The following GRM8 variants were observed in gnomAD, a reference collection of about 807,000 sequenced individuals.
GRM8 encodes glutamate metabotropic receptor 8.
A neutral mutation model predicts 87.2 loss-of-function variants in GRM8; 47 were observed. That is an observed-to-expected ratio of 0.54 (90% CI 0.43 to 0.69). GRM8 has a LOEUF of 0.69. Among genes scored for constraint, GRM8 ranks in the 30% least tolerant of loss-of-function variants. The pLI is 0.00. For synonymous variants in GRM8, 396 were observed against 404.5 expected, an observed-to-expected ratio of 0.98 and a Z score of 0.25; for missense variants, 1,019 against 1,139.2, an observed-to-expected ratio of 0.89 and a Z score of 1.52.
chr7:126,514,467 G>A (rs1811888519), intron 9 of GRM8, among the ~76,000 whole-genome samples: 1 of 152,058 alleles, frequency 6.6e-6, no homozygotes, highest in Non-Finnish European at 1.5e-5. Flanking sequence ...TCAGAAAAAT[G>A]GGTGAATATT....
At chr7:127,003,705 T>A (rs1412257941) in intron 3 of GRM8, among the ~76,000 whole-genome samples, 10 of 151,756 alleles carry the variant, frequency 6.6e-5, no homozygotes, top group Admixed American at 6.6e-4. Flanking sequence ...CTAATTGTTT[T>A]CTACAATTAT....
intron 2 of GRM8, among the ~76,000 whole-genome samples, chr7:127,132,356 AT>A (rs1827734380): frequency 6.6e-6 from 1 of 152,136 alleles, no homozygotes; most frequent in African/African-American, 2.4e-5. Flanking sequence ...CTTTTATTGC[AT>A]TTTGTTCCTT....
At chr7:126,446,442 T>A in intron 9 of GRM8, 70 bp from the exon 10 acceptor site, 3 of 1,041,958 alleles carry the variant, frequency 2.9e-6, no homozygotes, top group Non-Finnish European at 4.2e-6. Context: ...AATAACATAC[T>A]ATTTTCTAAA....
intron 6 of GRM8, among the ~76,000 whole-genome samples, chr7:126,818,318 GC>G (rs1165404276): frequency 6.6e-6 from 1 of 152,088 alleles, no homozygotes; most frequent in African/African-American, 2.4e-5. Context: ...GTAAAAGCAT[GC>G]CCTAAAACCC....
At chr7:126,695,419 C>T (rs1479465007) in intron 7 of GRM8, among the ~76,000 whole-genome samples, 3 of 152,130 alleles carry the variant, frequency 2.0e-5, no homozygotes, top group East Asian at 1.9e-4. Flanking sequence ...AGCTATGAAA[C>T]GGAAGTACTG....
At chr7:127,071,029 C>G (rs1821632714) in intron 3 of GRM8, among the ~76,000 whole-genome samples, 1 of 152,140 alleles carries the variant, frequency 6.6e-6, no homozygotes, top group South Asian at 2.1e-4. Context: ...AATCGTCTAG[C>G]TAGTCCAAAT....
chr7:127,122,321 T>A (rs1289841290), intron 2 of GRM8, among the ~76,000 whole-genome samples: 1 of 152,184 alleles, frequency 6.6e-6, no homozygotes, highest in Non-Finnish European at 1.5e-5. Flanking sequence ...TTTTTATGAG[T>A]AGCTGAATCC....
chr7:126,652,039 T>C (rs1226326954), intron 7 of GRM8, among the ~76,000 whole-genome samples: 13 of 152,222 alleles, frequency 8.5e-5, no homozygotes, highest in Non-Finnish European at 1.0e-4. Context: ...ATGTGACCAG[T>C]TGCAGAAACG....
chr7:126,489,805 G>A (rs1807792013), intron 9 of GRM8, among the ~76,000 whole-genome samples: 1 of 152,014 alleles, frequency 6.6e-6, no homozygotes, highest in South Asian at 2.1e-4. Context: ...AGATGAGCAT[G>A]CAAAGCAGTA....
intron 7 of GRM8, among the ~76,000 whole-genome samples, chr7:126,640,478 A>G (rs1391559411): frequency 6.6e-6 from 1 of 152,256 alleles, no homozygotes; most frequent in South Asian, 2.1e-4. Flanking sequence ...ATACCTATGC[A>G]TATTGATTTA....
At chr7:126,970,572 T>A (rs1810320038) in intron 3 of GRM8, among the ~76,000 whole-genome samples, 1 of 152,184 alleles carries the variant, frequency 6.6e-6, no homozygotes, top group Admixed American at 6.6e-5. Context: ...TGATCTTCTA[T>A]CCAAACCACA....
chr7:127,023,781 T>A (rs1816501570), intron 3 of GRM8, among the ~76,000 whole-genome samples: 1 of 152,126 alleles, frequency 6.6e-6, no homozygotes, highest in Non-Finnish European at 1.5e-5. Flanking sequence ...ATTCAGTGTT[T>A]GCACAGCTCC....
At chr7:127,064,974 A>G (rs187472890) in intron 3 of GRM8, among the ~76,000 whole-genome samples, 1 of 152,352 alleles carries the variant, frequency 6.6e-6, no homozygotes, top group African/African-American at 2.4e-5. Context: ...TCAAAGAGCT[A>G]AAAGCAGAAC....
intron 3 of GRM8, among the ~76,000 whole-genome samples, chr7:126,913,910 G>T (rs983315865): frequency 6.6e-6 from 1 of 152,146 alleles, no homozygotes; most frequent in Non-Finnish European, 1.5e-5. Context: ...TACCAACATG[G>T]ATTAAAAGAG....
At chr7:126,795,530 A>T (rs1821858876) in intron 6 of GRM8, among the ~76,000 whole-genome samples, 1 of 152,164 alleles carries the variant, frequency 6.6e-6, no homozygotes, top group African/African-American at 2.4e-5. Context: ...TTATAATTGG[A>T]AAATTGGCTT....
At chr7:126,773,053 T>C (rs1224267720) in intron 6 of GRM8, among the ~76,000 whole-genome samples, 1 of 151,930 alleles carries the variant, frequency 6.6e-6, no homozygotes, top group Non-Finnish European at 1.5e-5. Context: ...AAGAAAAAGA[T>C]ACAGAGAGGA....
intron 6 of GRM8, among the ~76,000 whole-genome samples, chr7:126,876,189 TC>T (rs1263817606): frequency 6.6e-6 from 1 of 152,150 alleles, no homozygotes; most frequent in Admixed American, 6.6e-5. Flanking sequence ...TACTGTCTCC[TC>T]TCCCAGAACA....
intron 6 of GRM8, among the ~76,000 whole-genome samples, chr7:126,829,967 A>T (rs1033526688): frequency 7.9e-5 from 12 of 152,054 alleles, no homozygotes; most frequent in African/African-American, 2.9e-4. Context: ...TATGAAGCTT[A>T]GTTTGGCTGA....
intron 2 of GRM8, among the ~76,000 whole-genome samples, chr7:127,139,794 C>G (rs1002137085): frequency 2.6e-5 from 4 of 152,112 alleles, no homozygotes; most frequent in African/African-American, 9.7e-5. Flanking sequence ...TAAGCTCTTT[C>G]TATCGGAAGT....
Sources: allele counts gnomAD v4.1 joint callset (sites outside exome capture counted in the v4.1 genomes callset), GRCh38; gene constraint gnomAD v4.1.1; transcripts MANE v1.5; gene names NCBI Gene and HGNC (gene_info 2026-07-23, HGNC 2026-07-21).